Variants in RYR3 observed in about 807,000 individuals in gnomAD.
RYR3 encodes the protein ryanodine receptor 3, also known as brain ryanodine receptor-calcium release channel.
Under a neutral mutation model 584.3 loss-of-function variants are expected in RYR3, and 207 were observed. That is an observed-to-expected ratio of 0.35 (90% CI 0.32 to 0.40). RYR3 has a LOEUF of 0.40. RYR3 is among the 10% of genes least tolerant of loss of function. The pLI is 1.00. For missense variants in RYR3, 5,616 were observed against 6,089.2 expected, an observed-to-expected ratio of 0.92 and a Z score of 2.59; for synonymous variants, 2,416 against 2,248.5, an observed-to-expected ratio of 1.07 and a Z score of -2.11.
chr15:33,410,580 T>C (rs554258068), intron 1 of RYR3, among the ~76,000 whole-genome samples: 2 of 152,252 alleles, frequency 1.3e-5, no homozygotes, highest in South Asian at 2.1e-4. Context: ...CTGTGTGTAC[T>C]TGATTGCCTT....
chr15:33,633,258 A>G, intron 24 of RYR3, 150 bp downstream of exon 24: 1 of 753,452 alleles, frequency 1.3e-6, no homozygotes, highest in Admixed American at 2.9e-5. Context: ...TTATGGAATC[A>G]TGGGGCTGGA....
At chr15:33,727,230 C>T (rs912905816) in intron 46 of RYR3, among the ~76,000 whole-genome samples, 1 of 152,218 alleles carries the variant, frequency 6.6e-6, no homozygotes, top group African/African-American at 2.4e-5. Flanking sequence ...CATTTGACAT[C>T]AGTCAGTGTT....
Position 33,390,226 on chromosome 15 carries a change from C to T in RYR3, c.51+79130C>T, listed in dbSNP as rs1045883813. ...AAATGAAGGCAATCATTAAATATAG[C>T]CCATTGGTATTGTATATTTAAAGCC... On this transcript the variant is annotated intron_variant, in intron 1 of 103. Coordinates refer to ENST00000634891, the MANE Select transcript of RYR3 (RefSeq NM_001036.6). The surrounding 1 kb of genome is among the most constrained non-coding windows in gnomAD (Gnocchi z 4.2). Among the ~76,000 whole-genome samples the T allele has an allele frequency of 2.0e-5, 3 of 152,156 alleles. No individual in the cohort carries two copies. The highest frequency in any genetic ancestry group is 7.2e-5 in the African/African-American group (3 of 41,442).
chr15:33,611,106 C>T, intron 18 of RYR3, among the ~76,000 whole-genome samples: 1 of 152,024 alleles, frequency 6.6e-6, no homozygotes, highest in Non-Finnish European at 1.5e-5. Flanking sequence ...AACTCATATC[C>T]ATCAGGTGGG....
At chr15:33,860,483 CT>C (rs1305023586) in intron 100 of RYR3, 111 bp from the exon 101 acceptor site, 11 of 595,764 alleles carry the variant, frequency 1.8e-5, no homozygotes, top group South Asian at 3.2e-5. Context: ...TCTAATTTTG[CT>C]TTGATAATTC....
At chr15:33,802,174 G>C in intron 69 of RYR3, 1 of 696,610 alleles carries the variant, frequency 1.4e-6, no homozygotes. Context: ...ATAGCTGCTT[G>C]TATGTCAAAA....
intron 25 of RYR3, 96 bp downstream of exon 25, chr15:33,634,829 G>A (rs2061426903): frequency 9.8e-7 from 1 of 1,024,040 alleles, no homozygotes; most frequent in African/African-American, 1.6e-5. Context: ...TTGTACTATT[G>A]GAAATAGTAT....
chr15:33,411,226 G>T (rs2043383522), intron 1 of RYR3, among the ~76,000 whole-genome samples: 1 of 152,104 alleles, frequency 6.6e-6, no homozygotes, highest in Non-Finnish European at 1.5e-5. Flanking sequence ...GGCTGAAGTT[G>T]TCTTGCTGAG....
At position 33,695,964 on chromosome 15, in the gene RYR3, TTTTTTTTTTTG is replaced by T. The variant is rs1273859444; in HGVS notation, c.5861-253_5861-243del. Among the ~76,000 whole-genome samples the T allele has an allele frequency of 1.9e-3, 212 of 112,808 alleles. 11 individuals are homozygous for T. In the South Asian group the frequency reaches 0.075, roughly 40 times the overall value. 74.0% of individuals were successfully genotyped at this position (112,808 alleles called of 152,430 possible). ...ACACCCAGCTTTTTTTTTTTTTTTT[TTTTTTTTTTTG>T]GTAGCAACAGGGTCTCGCTTTGTGG... On this transcript the variant is annotated intron_variant, in intron 38 of 103. Coordinates refer to ENST00000634891, the MANE Select transcript of RYR3 (RefSeq NM_001036.6).
intron 16 of RYR3, among the ~76,000 whole-genome samples, chr15:33,593,903 G>A (rs2152538175): frequency 6.6e-6 from 1 of 152,288 alleles, no homozygotes; most frequent in East Asian, 1.9e-4. Context: ...TTTGTATACA[G>A]TGCAGCAAGG....
At chr15:33,388,756 A>G (rs1296236450) in intron 1 of RYR3, among the ~76,000 whole-genome samples, 1 of 152,190 alleles carries the variant, frequency 6.6e-6, no homozygotes, top group Non-Finnish European at 1.5e-5. Context: ...AGACATGGCT[A>G]CAGAACAGCA....
In RYR3 at chr15:33,865,866, A is replaced by T. The variant is rs536610851; in HGVS notation, c.*640A>T. The T allele has an allele frequency of 6.5e-6, 1 of 152,686 alleles. No individual in the cohort carries two copies. Among genetic ancestry groups the T allele is most frequent in the African/African-American group, 2.4e-5 (1 of 41,552 alleles). The allele number at this position is 152,686 out of a possible 1,614,324, so 9.5% of individuals were successfully genotyped here. On this transcript the variant is annotated 3_prime_UTR_variant, in exon 104 of 104. Transcript: ENST00000634891. ...TTCATTAGTTGTGATCTTCCGTCTT[A>T]CTTTATGAAACTGCACTTGAAGGTT... is the stretch of plus-strand genomic sequence containing the variant.
At chr15:33,835,099 T>C in intron 87 of RYR3, 27 bp downstream of exon 87, 1 of 1,536,832 alleles carries the variant, frequency 6.5e-7, no homozygotes, top group Admixed American at 1.7e-5. Flanking sequence ...CCTGCACGTG[T>C]CATTGTTGTG....
intron 19 of RYR3, among the ~76,000 whole-genome samples, chr15:33,613,765 C>T (rs1030749582): frequency 6.6e-6 from 1 of 152,160 alleles, no homozygotes; most frequent in Non-Finnish European, 1.5e-5. Context: ...TTTTTCAAGT[C>T]CTTTCTTCTA....
Position 33,780,373 on chromosome 15 carries a change from A to G in RYR3, c.9268+32A>G, listed in dbSNP as rs146683386. The G allele has an allele frequency of 1.1e-5, 18 of 1,610,060 alleles. No individual in the cohort carries two copies. The Admixed American group carries it at 2.8e-4, about 25-fold the overall frequency. Reference sequence around the variant, plus strand: ...ATCTCCCCTCAAAGGTCATCAACCCATTTCATGTGCTGAGAGGAGAGGAGC... The same window carrying G: ...ATCTCCCCTCAAAGGTCATCAACCCGTTTCATGTGCTGAGAGGAGAGGAGC... On this transcript the variant is annotated intron_variant, in intron 65 of 103. Coordinates refer to ENST00000634891, the MANE Select transcript of RYR3 (RefSeq NM_001036.6).
Position 33,766,983 on chromosome 15 carries a change from A to G in RYR3, c.8706-1675A>G, listed in dbSNP as rs1328117721. On this transcript the variant is annotated intron_variant, in intron 60 of 103. Coordinates refer to ENST00000634891, the MANE Select transcript of RYR3 (RefSeq NM_001036.6). Reference sequence around the variant, plus strand: ...GGAAATTTCAGATCCTGGCCTTGGCATGCCTAAGAAAGCACTTCTGACAAT... The same window carrying G: ...GGAAATTTCAGATCCTGGCCTTGGCGTGCCTAAGAAAGCACTTCTGACAAT... Among the ~76,000 whole-genome samples, 3 of 152,254 alleles carry G rather than the reference A, an allele frequency of 2.0e-5. No individual in the cohort carries two copies. In the South Asian group the frequency reaches 6.2e-4, roughly 32 times the overall value.
In RYR3 at chr15:33,742,450, G is replaced by A. The variant is rs1244617514; in HGVS notation, c.7899+6G>A. ...ATAAATGGGCCTGTGACAAGGTAGG[G>A]ATTATCATCCAACTGACAATCGTCA... On this transcript the variant is annotated splice_donor_region_variant and intron_variant, in intron 52 of 103. Coordinates refer to ENST00000634891, the MANE Select transcript of RYR3 (RefSeq NM_001036.6). The A allele has an allele frequency of 6.3e-7, 1 of 1,579,886 alleles. No individual in the cohort carries two copies. Among genetic ancestry groups the A allele is most frequent in the African/African-American group, 1.3e-5 (1 of 74,316 alleles).
intron 3 of RYR3, among the ~76,000 whole-genome samples, chr15:33,522,895 A>C (rs2054110660): frequency 6.6e-6 from 1 of 152,166 alleles, no homozygotes; most frequent in South Asian, 2.1e-4. Flanking sequence ...TCCTTCATTA[A>C]CTATTAATAT....
chr15:33,631,497 C>T (rs946766919), intron 23 of RYR3, among the ~76,000 whole-genome samples: 3 of 152,138 alleles, frequency 2.0e-5, no homozygotes, highest in African/African-American at 7.2e-5. Context: ...CTCTTTGCCC[C>T]TTCCACCTGG....
Sources: allele counts gnomAD v4.1 joint callset (sites outside exome capture counted in the v4.1 genomes callset), GRCh38; gene constraint gnomAD v4.1.1; non-coding constraint Gnocchi (gnomAD v3.1); transcripts MANE v1.5; gene names NCBI Gene and HGNC (gene_info 2026-07-23, HGNC 2026-07-21).